The following NECTIN1 variants were observed in gnomAD, a reference collection of about 807,000 sequenced individuals.
NECTIN1 encodes nectin-1.
NECTIN1 carries 23 observed loss-of-function variants against 48.0 expected under a neutral mutation model. That is an observed-to-expected ratio of 0.48 (90% CI 0.34 to 0.68). NECTIN1 has a LOEUF of 0.68. Ranked by LOEUF, NECTIN1 falls within the 30% of genes least tolerant of loss-of-function variation. The pLI is 0.01. For missense variants in NECTIN1, 591 were observed against 709.9 expected (o/e 0.83, Z 1.90); for synonymous variants, 270 against 288.9 (o/e 0.93, Z 0.66).
rs1019471258 is a variant in NECTIN1 at position 119,727,579 on chromosome 11, G to T, written c.79+896C>A. Reference sequence around the variant, plus strand: ...ACTCGGTCGGATTTGCCTCCTAAACGCATTTTCCAGTTCATTCCCCAGCAC... The same window carrying T: ...ACTCGGTCGGATTTGCCTCCTAAACTCATTTTCCAGTTCATTCCCCAGCAC... On this transcript the variant is annotated intron_variant, in intron 1 of 5. Coordinates refer to ENST00000264025, the MANE Select transcript of NECTIN1 (RefSeq NM_002855.5). The surrounding 1 kb of genome is among the most constrained non-coding windows in gnomAD (Gnocchi z 4.1). 6.6e-6 allele frequency among the ~76,000 whole-genome samples: 1 copy of T among 152,138 alleles called. No homozygotes were observed. Among genetic ancestry groups the T allele is most frequent in the Non-Finnish European group, 1.5e-5 (1 of 68,022 alleles).
At position 119,673,359 on chromosome 11, in the gene NECTIN1, C is replaced by T. The variant is rs947616411; in HGVS notation, c.1003+1800G>A. Reference sequence around the variant, plus strand: ...CCATGCGTCCCTGGCTCCTGCCTAACGGGGCTGCCAGCAAGAGCCATGTTG... The same window carrying T: ...CCATGCGTCCCTGGCTCCTGCCTAATGGGGCTGCCAGCAAGAGCCATGTTG... On this transcript the variant is annotated intron_variant, in intron 5 of 5. Transcript: ENST00000264025. The surrounding 1 kb of genome is among the most constrained non-coding windows in gnomAD (Gnocchi z 5.8). Among the ~76,000 whole-genome samples, 29 of 152,316 alleles carry T rather than the reference C, an allele frequency of 1.9e-4. No individual in the cohort carries two copies. The highest frequency in any genetic ancestry group is 6.5e-4 in the African/African-American group (27 of 41,574).
chr11:119,728,098 C>A (rs1267331235), intron 1 of NECTIN1, among the ~76,000 whole-genome samples: 1 of 152,240 alleles, frequency 6.6e-6, no homozygotes, highest in Admixed American at 6.5e-5. Flanking sequence ...TGTTGTCTCC[C>A]ACCCCAAGAC....
intron 1 of NECTIN1, among the ~76,000 whole-genome samples, chr11:119,715,509 C>T (rs900984416): frequency 6.6e-6 from 1 of 152,138 alleles, no homozygotes; most frequent in African/African-American, 2.4e-5. Flanking sequence ...GTGCCCATAA[C>T]CATGCCTGGC....
chr11:119,728,447 T>G, intron 1 of NECTIN1, 28 bp downstream of exon 1: 2 of 1,572,396 alleles, frequency 1.3e-6, no homozygotes, highest in Non-Finnish European at 1.7e-6. Flanking sequence ...TGGATGGGGG[T>G]GGGGACAGCA....
intron 5 of NECTIN1, among the ~76,000 whole-genome samples, chr11:119,646,297 A>G (rs560282410): frequency 6.6e-6 from 1 of 152,306 alleles, no homozygotes; most frequent in South Asian, 2.1e-4. Context: ...CTTCCAGTCC[A>G]TCTCCCTGGA....
intron 1 of NECTIN1, among the ~76,000 whole-genome samples, chr11:119,686,111 G>A (rs997426842): frequency 7.2e-5 from 11 of 152,138 alleles, no homozygotes; most frequent in African/African-American, 2.7e-4. Flanking sequence ...AGCACACAGG[G>A]ACTCTCCTAC....
rs768206292 is a variant in NECTIN1, at chr11:119,643,434, G to A, written c.1004-3422C>T. On this transcript the variant is annotated intron_variant, in intron 5 of 7. Transcript: ENST00000341398. The stretch of plus-strand genomic sequence containing the variant: ...GAGGTTAAGTAATTCGTTCAGGATC[G>A]TCCAGATAGTCAGTGGCTGAGGGCA... Among the ~76,000 whole-genome samples the A allele has an allele frequency of 2.3e-4, 35 of 152,208 alleles. 1 individual carries two copies. The highest frequency in any genetic ancestry group is 9.8e-4 in the Admixed American group (15 of 15,284).
At chr11:119,668,063 T>C (rs1037772777) in intron 5 of NECTIN1, among the ~76,000 whole-genome samples, 8 of 152,148 alleles carry the variant, frequency 5.3e-5, no homozygotes, top group African/African-American at 1.9e-4. Context: ...CCATACCTCC[T>C]GCCTCCAAGA....
chr11:119,648,304 GTGA>G lies in NECTIN1; in HGVS notation c.1004-8295_1004-8293del, dbSNP rs1565376532. ...GGTGGTGGTGATGGTGGTGGTGGTG[GTGA>G]TGGTGGTGATGGTGATGGTGGTGAT... On this transcript the variant is annotated intron_variant, in intron 5 of 7. Coordinates refer to the NECTIN1 transcript ENST00000341398. Among the ~76,000 whole-genome samples, 6 of 9,330 alleles carry G rather than the reference GTGA, an allele frequency of 6.4e-4. No individual in the cohort carries two copies. In the East Asian group the frequency reaches 9.7e-3, roughly 15 times the overall value. The allele number at this position is 9,330 out of a possible 152,430, so 6.1% of individuals were successfully genotyped here.
chr11:119,697,084 G>A (rs1865353236), intron 1 of NECTIN1, among the ~76,000 whole-genome samples: 2 of 152,138 alleles, frequency 1.3e-5, no homozygotes, highest in South Asian at 4.1e-4. Flanking sequence ...GAGCAGCTCA[G>A]GGAAAGGCCC....
intron 1 of NECTIN1, among the ~76,000 whole-genome samples, chr11:119,686,242 C>A (rs973650013): frequency 2.0e-5 from 3 of 152,200 alleles, no homozygotes; most frequent in African/African-American, 7.2e-5. Context: ...CTAGTGCACA[C>A]CTCCCTCCAC....
At chr11:119,666,149 CATGT>C (rs979586326) in intron 5 of NECTIN1, among the ~76,000 whole-genome samples, 25 of 152,306 alleles carry the variant, frequency 1.6e-4, no homozygotes, top group African/African-American at 6.0e-4. Flanking sequence ...GGGGTGAAAG[CATGT>C]GCGTGTGTGC....
At chr11:119,669,410 C>CAA (rs398045650) in intron 5 of NECTIN1, among the ~76,000 whole-genome samples, 52,298 of 129,574 alleles carry the variant, frequency 0.4, 10,099 homozygotes, top group Admixed American at 0.48. Context: ...GACTCCGTCT[C>CAA]AAAAAAAAAA....
intron 5 of NECTIN1, chr11:119,640,074 A>C (rs1045347801): frequency 3.4e-6 from 5 of 1,486,218 alleles, no homozygotes; most frequent in Admixed American, 1.9e-5. Context: ...AAAGAGAGTC[A>C]GAGATGTGAG....
intron 5 of NECTIN1, among the ~76,000 whole-genome samples, chr11:119,648,229 ATGGTGGTGATAG>A (rs1169628153): frequency 3.4e-4 from 25 of 72,922 alleles, no homozygotes; most frequent in African/African-American, 1.1e-3. Context: ...GGCAGTGATG[ATGGTGGTGATAG>A]TGGTGGTGAT....
At chr11:119,695,765 A>G (rs528751649) in intron 1 of NECTIN1, among the ~76,000 whole-genome samples, 72 of 152,308 alleles carry the variant, frequency 4.7e-4, no homozygotes, top group African/African-American at 1.7e-3. Flanking sequence ...GCCGCATTCA[A>G]TTCATGCCTC....
intron 1 of NECTIN1, among the ~76,000 whole-genome samples, chr11:119,689,707 T>C (rs941005866): frequency 7.2e-5 from 11 of 152,226 alleles, no homozygotes; most frequent in African/African-American, 2.2e-4. Flanking sequence ...TGGAGCAACA[T>C]TGGGATGGAG....
intron 1 of NECTIN1, among the ~76,000 whole-genome samples, chr11:119,722,859 G>A (rs1370565812): frequency 6.6e-6 from 1 of 152,258 alleles, no homozygotes; most frequent in Non-Finnish European, 1.5e-5. Flanking sequence ...CACTGCATGT[G>A]TTCACATGCC....
chr11:119,714,598 C>T (rs982917911), intron 1 of NECTIN1, among the ~76,000 whole-genome samples: 2 of 152,192 alleles, frequency 1.3e-5, no homozygotes, highest in Non-Finnish European at 2.9e-5. Context: ...CCTGTCCTGT[C>T]CTGCCCACGG....
Sources: gnomAD v4.1 joint callset for allele counts (sites outside exome capture counted in the v4.1 genomes callset) on GRCh38, gnomAD v4.1.1 for gene constraint, Gnocchi (gnomAD v3.1) non-coding constraint, MANE v1.5 for transcripts, NCBI Gene and HGNC (gene_info 2026-07-23, HGNC 2026-07-21) for gene names.